The following TRIM8 variants were observed in gnomAD, a reference collection of about 807,000 sequenced individuals.
TRIM8 encodes the protein tripartite motif containing 8, also known as E3 ubiquitin-protein ligase TRIM8.
Under a neutral mutation model 55.7 loss-of-function variants are expected in TRIM8, and 9 were observed. That is an observed-to-expected ratio of 0.16 (90% confidence interval 0.10 to 0.28). The LOEUF (loss-of-function observed/expected upper bound fraction) is 0.28. Among genes scored for constraint, TRIM8 ranks in the 10% least tolerant of loss-of-function variants. The probability of loss-of-function intolerance (pLI) is 1.00; values close to 1 mark genes in which losing one functional copy is unlikely to be tolerated. For missense variants in TRIM8, 556 were observed against 736.4 expected, an observed-to-expected ratio of 0.76 and a Z score of 2.83; for synonymous variants, 335 against 333.3, an observed-to-expected ratio of 1.01 and a Z score of -0.06.
intron 1 of TRIM8, among the ~76,000 whole-genome samples, chr10:102,652,307 G>A (rs1167935193): frequency 1.3e-5 from 2 of 152,192 alleles, no homozygotes; most frequent in Non-Finnish European, 2.9e-5. Flanking sequence ...ATGGGCTGGC[G>A]GGGTGAGGAA....
At chr10:102,651,808 C>T (rs1214033280) in intron 1 of TRIM8, among the ~76,000 whole-genome samples, 1 of 152,244 alleles carries the variant, frequency 6.6e-6, no homozygotes, top group Non-Finnish European at 1.5e-5. Context: ...GGCCACCTCG[C>T]CATCGTGCCA....
Position 102,657,653 on chromosome 10 carries a change from T to G in TRIM8, c.*299T>G, listed in dbSNP as rs1268470267. 1 of 286,320 alleles carries G rather than the reference T, an allele frequency of 3.5e-6. No individual in the cohort carries two copies. The highest frequency in any genetic ancestry group is 6.5e-6 in the Non-Finnish European group (1 of 153,526). 17.7% of individuals were successfully genotyped at this position (286,320 alleles called of 1,614,324 possible). On this transcript the variant is annotated 3_prime_UTR_variant, in exon 6 of 6. Coordinates refer to ENST00000643721, the MANE Select transcript of TRIM8 (RefSeq NM_030912.3). Reference sequence around the variant, plus strand: ...GCTGAGCTCTCTCTCTGTTTCTCCTTTTTTCCTCTACTCCTTCCCCTTCAC... The same window carrying G: ...GCTGAGCTCTCTCTCTGTTTCTCCTGTTTTCCTCTACTCCTTCCCCTTCAC...
chr10:102,657,143 G>A lies in TRIM8; in HGVS notation c.1445G>A (p.Gly482Asp). The A allele has an allele frequency of 1.2e-6, 2 of 1,613,844 alleles. No individual in the cohort carries two copies. Among genetic ancestry groups the A allele is most frequent in the Non-Finnish European group, 1.7e-6 (2 of 1,180,002 alleles). ...TACTGTTCTTCCGTGGCCAACCATG[G>A]CGGCCACCAGCCCTACCCCCGCTCC... ...NCYCSSVANH[G>D]GHQPYPRSGH... Residue 482 changes from glycine to aspartate, a missense_variant, in exon 6 of 6, where the codon GGC (glycine) becomes GAC (aspartate). By Grantham distance (94) the Gly-to-Asp change is moderately conservative (BLOSUM62 -1). Transcript: ENST00000643721.
chr10:102,646,041 G>A (rs933430124), intron 1 of TRIM8, among the ~76,000 whole-genome samples: 21 of 152,302 alleles, frequency 1.4e-4, no homozygotes, highest in Middle Eastern at 6.8e-3. Context: ...CTGGGCTGCC[G>A]GCTGGGTGAT....
In TRIM8 at chr10:102,657,130, G is replaced by A. The variant is rs1312836510; in HGVS notation, c.1432G>A (p.Val478Met). The A allele has an allele frequency of 4.3e-6, 7 of 1,613,840 alleles. No homozygotes were observed. Among genetic ancestry groups the A allele is most frequent in the South Asian group, 1.1e-5 (1 of 91,080 alleles). ...TGTGGACAACTGTTACTGTTCTTCC[G>A]TGGCCAACCATGGCGGCCACCAGCC... Reference protein sequence around the residue: ...CSVDNCYCSSVANHGGHQPYP... With the variant: ...CSVDNCYCSSMANHGGHQPYP... The change falls in exon 6 of 6, where the codon GTG becomes ATG. Residue 478 changes from valine to methionine, a missense_variant. Val to Met is a conservative substitution (Grantham distance 21). Transcript: ENST00000643721.
Position 102,654,763 on chromosome 10 carries a change from G to A in TRIM8, c.666+15G>A, listed in dbSNP as rs754562271. The A allele has an allele frequency of 6.2e-7, 1 of 1,605,884 alleles. No homozygotes were observed. Among genetic ancestry groups the A allele is most frequent in the South Asian group, 1.1e-5 (1 of 90,904 alleles). On this transcript the variant is annotated intron_variant, in intron 2 of 5. Transcript: ENST00000643721. ...GCCTGGTGGAGGTAGCTAAGCCCAA[G>A]GCCATGCTGCGGGGTGGGGGTGGCT...
intron 2 of TRIM8, 34 bp from the exon 3 acceptor site, chr10:102,655,046 C>T (rs557142655): frequency 1.3e-5 from 21 of 1,608,700 alleles, no homozygotes; most frequent in Non-Finnish European, 1.6e-5. Flanking sequence ...CCAGTGCTTA[C>T]CTGCCTGCCC....
At position 102,644,502 on chromosome 10, in the gene TRIM8, C is replaced by A. The variant is rs2063917126; in HGVS notation, c.-116C>A. The A allele has an allele frequency of 3.0e-6, 3 of 989,492 alleles. No homozygotes were observed. Among genetic ancestry groups the A allele is most frequent in the Non-Finnish European group, 4.2e-6 (3 of 709,484 alleles). 61.3% of individuals were successfully genotyped at this position (989,492 alleles called of 1,614,324 possible). On this transcript the variant is annotated 5_prime_UTR_variant, in exon 1 of 6. Transcript: ENST00000643721. ...CGGAAGGCGCTGCTGACTGAGCGAC[C>A]GTCGGGGCCGGCTGGGGCCGGAGCT...
Position 102,657,256 on chromosome 10 carries a change from G to A in TRIM8, c.1558G>A (p.Ala520Thr). 1 of 1,614,000 alleles carries A rather than the reference G, an allele frequency of 6.2e-7. No homozygotes were observed. Among genetic ancestry groups the A allele is most frequent in the African/African-American group, 1.3e-5 (1 of 75,022 alleles). Residue 520 changes from alanine to threonine, a missense_variant, in exon 6 of 6, where the codon GCG becomes ACG. By Grantham distance (58) the Ala-to-Thr change is moderately conservative. Around this residue, in one of 2 missense-constraint regions of TRIM8, gnomAD observed 391 missense variants for 441.0 expected, o/e 0.89. Coordinates refer to ENST00000643721, the MANE Select transcript of TRIM8 (RefSeq NM_030912.3). ...CGTCCCCCAGTCCCTTCCCAGCCTG[G>A]CGGTCAGAGACTGGCTTGACGCCTC... Reference protein sequence around the residue: ...PSVPQSLPSLAVRDWLDASQQ... With the variant: ...PSVPQSLPSLTVRDWLDASQQ...
At position 102,655,238 on chromosome 10, in the gene TRIM8, C is replaced by T; in HGVS notation, c.825C>T (p.Arg275=). 2 of 1,602,172 alleles carry T rather than the reference C, an allele frequency of 1.2e-6. No individual in the cohort carries two copies. Among genetic ancestry groups the T allele is most frequent in the Non-Finnish European group, 8.5e-7 (1 of 1,176,954 alleles). The change falls in exon 3 of 6, where the codon CGC becomes CGT. Residue 275 remains arginine (R), a synonymous_variant. Coordinates refer to ENST00000643721, the MANE Select transcript of TRIM8 (RefSeq NM_030912.3). ...NAAQALHLGE[R]MQEAKKLLGS... ...CGCAGGCGCTGCACCTCGGGGAGCG[C>T]ATGCAGGAGGCCAAGAAGCTGCTGG...
At position 102,644,948 on chromosome 10, in the gene TRIM8, G is replaced by A; in HGVS notation, c.331G>A (p.Glu111Lys). The A allele has an allele frequency of 6.3e-7, 1 of 1,597,298 alleles. No individual in the cohort carries two copies. Residue 111 changes from glutamate (E) to lysine (K), a missense_variant, in exon 1 of 6, where the codon GAG becomes AAG. Around this residue, in one of 2 missense-constraint regions of TRIM8, gnomAD observed 165 missense variants for 295.3 expected, o/e 0.56. Transcript: ENST00000643721. ...CGCGCAGAAGGTCTGCCTGCGCTGC[G>A]AGGCGCCCTGCTGCCAGTCCCACGT... is the stretch of plus-strand genomic sequence containing the variant. ...LPAQKVCLRC[E>K]APCCQSHVQT... is the part of the protein sequence containing the mutation.
In TRIM8 at chr10:102,656,500, C is replaced by G; in HGVS notation, c.1048+115C>G. On this transcript the variant is annotated intron_variant, in intron 5 of 5. Coordinates refer to ENST00000643721, the MANE Select transcript of TRIM8 (RefSeq NM_030912.3). The surrounding 1 kb of genome is among the most constrained non-coding windows in gnomAD (Gnocchi z 4.6). ...CAGTCTGGGAGACCTGTCCTCATAT[C>G]CAGGCTTTGCCACTTGTAGCTGTGG... 1 of 1,450,734 alleles carries G rather than the reference C, an allele frequency of 6.9e-7. No individual in the cohort carries two copies. The highest frequency in any genetic ancestry group is 9.2e-7 in the Non-Finnish European group (1 of 1,085,892). 89.9% of individuals were successfully genotyped at this position (1,450,734 alleles called of 1,614,324 possible).
In TRIM8 at chr10:102,655,325, T is replaced by A. The variant is rs1322207196; in HGVS notation, c.900+12T>A. On this transcript the variant is annotated intron_variant, in intron 3 of 5. Coordinates refer to ENST00000643721, the MANE Select transcript of TRIM8 (RefSeq NM_030912.3). Reference sequence around the variant, plus strand: ...TCAGCTTCATGAAGGTGGGCTGGGCTCAGGACCAGGCTGGTGGCACCCAGA... The same window carrying A: ...TCAGCTTCATGAAGGTGGGCTGGGCACAGGACCAGGCTGGTGGCACCCAGA... 1 of 1,587,868 alleles carries A rather than the reference T, an allele frequency of 6.3e-7. No individual in the cohort carries two copies. Among genetic ancestry groups the A allele is most frequent in the Non-Finnish European group, 8.5e-7 (1 of 1,170,926 alleles).
Position 102,657,357 on chromosome 10 carries a change from C to T in TRIM8, c.*3C>T. 1 of 1,554,202 alleles carries T rather than the reference C, an allele frequency of 6.4e-7. No homozygotes were observed. The highest frequency in any genetic ancestry group is 8.7e-7 in the Non-Finnish European group (1 of 1,146,402). On this transcript the variant is annotated 3_prime_UTR_variant, in exon 6 of 6. Coordinates refer to ENST00000643721, the MANE Select transcript of TRIM8 (RefSeq NM_030912.3). The stretch of plus-strand genomic sequence containing the variant: ...CCAAACACTACGTGACGAGCTAACG[C>T]CACGCAGGCGGCGGGGCGCTGGGGA...
At chr10:102,645,409 T>C (rs1234814134) in intron 1 of TRIM8, 1 of 504,376 alleles carries the variant, frequency 2.0e-6, no homozygotes, top group African/African-American at 2.0e-5. Context: ...ACAGGGTCCG[T>C]CTTCTGAGTG....
At chr10:102,649,578 G>C (rs1216997174) in intron 1 of TRIM8, among the ~76,000 whole-genome samples, 3 of 152,222 alleles carry the variant, frequency 2.0e-5, no homozygotes, top group Non-Finnish European at 4.4e-5. Context: ...GACAAAGGGG[G>C]GCTTTCTCTC....
intron 2 of TRIM8, 45 bp downstream of exon 2, chr10:102,654,793 C>T (rs745914906): frequency 3.7e-5 from 53 of 1,442,526 alleles, no homozygotes; most frequent in Non-Finnish European, 4.8e-5. Flanking sequence ...GTGGCTTGAG[C>T]GCAGGGCTTT....
chr10:102,656,352 A>C lies in TRIM8; in HGVS notation c.1015A>C (p.Lys339Gln). 6.2e-7 allele frequency: 1 copy of C among 1,614,004 alleles called. No homozygotes were observed. The highest frequency in any genetic ancestry group is 8.5e-7 in the Non-Finnish European group (1 of 1,179,958). ...NSKLFLNEVA[K>Q]KEKQLRKMLE... ...CAAGCTCTTCCTGAACGAAGTGGCC[A>C]AGAAGGAGAAGCAGCTGCGGAAAAT... The change falls in exon 5 of 6, where the codon AAG becomes CAG. Residue 339 changes from lysine to glutamine, a missense_variant. This residue lies in a region of TRIM8 where 391 missense variants were observed against 441.0 expected (regional missense o/e 0.89). Coordinates refer to ENST00000643721, the MANE Select transcript of TRIM8 (RefSeq NM_030912.3). This position sits in a 1 kb window ranked among gnomAD's most constrained non-coding sequence, Gnocchi z 4.6.
In TRIM8 at chr10:102,655,386, ACCTGTAGCT is replaced by A. The variant is rs927487884; in HGVS notation, c.900+75_900+83del. The A allele has an allele frequency of 8.6e-6, 12 of 1,396,986 alleles. No individual in the cohort carries two copies. The African/African-American group carries it at 1.7e-4, about 20-fold the overall frequency. 86.5% of individuals were successfully genotyped at this position (1,396,986 alleles called of 1,614,324 possible). A position where few individuals can be genotyped will look rare whatever the true frequency, so the allele number is the denominator to read the frequency against. On this transcript the variant is annotated intron_variant, in intron 3 of 5. Transcript: ENST00000643721. The stretch of plus-strand genomic sequence containing the variant: ...CAAATTGAGATCTGCAGTTTCCTGC[ACCTGTAGCT>A]CACATGCCCTTACCTTTGGAGCCAG...
Sources: gnomAD v4.1 joint callset for allele counts (sites outside exome capture counted in the v4.1 genomes callset) on GRCh38, gnomAD v4.1.1 for gene constraint, gnomAD v4.1.1 regional missense constraint, Gnocchi (gnomAD v3.1) non-coding constraint, MANE v1.5 for transcripts, NCBI Gene and HGNC (gene_info 2026-07-23, HGNC 2026-07-21) for gene names.